GNB1L: variants seen among roughly 807,000 people sequenced by gnomAD.
GNB1L encodes the protein guanine nucleotide-binding protein subunit beta-like protein 1.
GNB1L carries 20 observed loss-of-function variants against 29.1 expected under a neutral mutation model. The ratio of observed to expected loss-of-function variants is 0.69; its 90% CI spans 0.48 to 1.00. GNB1L has a LOEUF of 1.00. Ranked by LOEUF, GNB1L falls within the 50% of genes least tolerant of loss-of-function variation. The probability of loss-of-function intolerance (pLI) is 0.00; values close to 1 mark genes in which losing one functional copy is unlikely to be tolerated. For synonymous variants in GNB1L, 193 were observed against 206.5 expected (o/e 0.93, Z 0.56); for missense variants, 421 against 464.9 (o/e 0.91, Z 0.87).
chr22:19,793,174 G>A (rs1937270834), intron 7 of GNB1L: 1 of 912,562 alleles, frequency 1.1e-6, no homozygotes, highest in East Asian at 2.7e-5. Flanking sequence ...TGAAAGGAAA[G>A]TGTATTCAAA....
chr22:19,831,950 T>C lies in GNB1L; in HGVS notation c.-20-10575A>G, dbSNP rs563512423. Among the ~76,000 whole-genome samples, 72 of 152,274 alleles carry C rather than the reference T, an allele frequency of 4.7e-4. 1 individual carries two copies. Among genetic ancestry groups the C allele is most frequent in the South Asian group, 2.9e-3 (14 of 4,828 alleles). ...ATGTAAATTAAAACTACAGAAAAGCTTCTTGTTCTGGCAGGATGAAGTAAG... is the reference window on the plus strand; with the variant it reads ...ATGTAAATTAAAACTACAGAAAAGCCTCTTGTTCTGGCAGGATGAAGTAAG... On this transcript the variant is annotated intron_variant, in intron 2 of 7. Transcript: ENST00000329517.
At chr22:19,851,160 G>T (rs1349873942) in intron 2 of GNB1L, 8 of 1,583,340 alleles carry the variant, frequency 5.1e-6, no homozygotes, top group Non-Finnish European at 5.2e-6. Flanking sequence ...TCCCACCTGG[G>T]CTGTGTTCAG....
At chr22:19,835,239 C>G (rs1158090551) in intron 2 of GNB1L, among the ~76,000 whole-genome samples, 2 of 152,198 alleles carry the variant, frequency 1.3e-5, no homozygotes, top group Non-Finnish European at 2.9e-5. Context: ...CTGACTAATA[C>G]TATCTACCTA....
intron 6 of GNB1L, among the ~76,000 whole-genome samples, chr22:19,802,943 C>T (rs919341029): frequency 6.6e-6 from 1 of 152,220 alleles, no homozygotes; most frequent in African/African-American, 2.4e-5. Context: ...GGGGACACAG[C>T]CGTCAGTCCC....
Position 19,831,487 on chromosome 22 carries a change from C to T in GNB1L, c.-20-10112G>A, listed in dbSNP as rs139651089. 9.6e-3 allele frequency among the ~76,000 whole-genome samples: 1,450 copies of T among 151,450 alleles called. 25 individuals carry two copies. The highest frequency in any genetic ancestry group is 0.034 in the African/African-American group (1,393 of 41,292). On this transcript the variant is annotated intron_variant, in intron 2 of 7. Coordinates refer to ENST00000329517, the MANE Select transcript of GNB1L (RefSeq NM_053004.3). ...CGGGAGGATCACAAGGTCAGGAGATCGAGATCACCCTGACTAACACGGTGA... is the reference window on the plus strand; with the variant it reads ...CGGGAGGATCACAAGGTCAGGAGATTGAGATCACCCTGACTAACACGGTGA...
chr22:19,831,186 C>G (rs56909092), intron 2 of GNB1L, among the ~76,000 whole-genome samples: 12,494 of 150,644 alleles, frequency 0.083, 1,686 homozygotes, highest in African/African-American at 0.29. Flanking sequence ...CATGGTAAAA[C>G]CCCATCTCTA....
chr22:19,793,074 C>T (rs1937269967), intron 7 of GNB1L: 1 of 1,587,014 alleles, frequency 6.3e-7, no homozygotes, highest in Non-Finnish European at 8.5e-7. Flanking sequence ...GGCTAAAGAA[C>T]TTGCCACTAA....
chr22:19,843,344 C>T (rs1045819035), intron 2 of GNB1L, among the ~76,000 whole-genome samples: 4 of 152,276 alleles, frequency 2.6e-5, no homozygotes, highest in African/African-American at 7.2e-5. Context: ...AGCGCCCAGG[C>T]GGGCAGGGAG....
chr22:19,853,494 G>A (rs1371627227), intron 2 of GNB1L, among the ~76,000 whole-genome samples: 6 of 152,102 alleles, frequency 3.9e-5, no homozygotes, highest in Non-Finnish European at 8.8e-5. Flanking sequence ...ACGACCTCCA[G>A]GAAACTCTCT....
At chr22:19,797,984 C>G (rs1319530267) in intron 7 of GNB1L, among the ~76,000 whole-genome samples, 1 of 152,234 alleles carries the variant, frequency 6.6e-6, no homozygotes, top group Admixed American at 6.5e-5. Context: ...TGTGCACACA[C>G]AAGCAGCTGA....
chr22:19,824,315 G>C (rs1569048611), intron 2 of GNB1L, among the ~76,000 whole-genome samples: 1 of 152,084 alleles, frequency 6.6e-6, no homozygotes, highest in Non-Finnish European at 1.5e-5. Context: ...TATCTTGCCT[G>C]GCCCCAGGCT....
chr22:19,806,600 C>T, intron 6 of GNB1L, 59 bp downstream of exon 6: 1 of 1,033,488 alleles, frequency 9.7e-7, no homozygotes, highest in South Asian at 1.4e-5. Flanking sequence ...CTGAATGGAG[C>T]ATGACTCATG....
intron 2 of GNB1L, among the ~76,000 whole-genome samples, chr22:19,828,644 T>TA (rs565527748): frequency 0.035 from 5,166 of 146,498 alleles, 265 homozygotes; most frequent in African/African-American, 0.12. Context: ...AGACCCTATC[T>TA]AAAAAAAAAA....
chr22:19,842,456 G>A (rs997030781), intron 2 of GNB1L, among the ~76,000 whole-genome samples: 1 of 152,222 alleles, frequency 6.6e-6, no homozygotes, highest in Admixed American at 6.5e-5. Flanking sequence ...CCAAGGCCTC[G>A]GGGGCCAGGA....
intron 2 of GNB1L, among the ~76,000 whole-genome samples, chr22:19,822,814 T>C (rs898311500): frequency 3.3e-5 from 5 of 152,148 alleles, no homozygotes; most frequent in African/African-American, 9.7e-5. Flanking sequence ...GTGCTGTGGA[T>C]GTCTGGAGGC....
chr22:19,825,615 G>A (rs541517566), intron 2 of GNB1L, among the ~76,000 whole-genome samples: 11 of 148,696 alleles, frequency 7.4e-5, no homozygotes, highest in Non-Finnish European at 1.6e-4. Context: ...GAGCAAGACC[G>A]CATCTCAAAT....
intron 7 of GNB1L, 143 bp from the exon 8 acceptor site, chr22:19,789,103 A>C (rs1601315840): frequency 1.2e-6 from 1 of 866,120 alleles, no homozygotes; most frequent in Non-Finnish European, 1.8e-6. Flanking sequence ...TACCCAGCTG[A>C]CCTCCCACTC....
chr22:19,845,273 G>A (rs1404073369), intron 2 of GNB1L, among the ~76,000 whole-genome samples: 2 of 152,242 alleles, frequency 1.3e-5, no homozygotes, highest in Admixed American at 6.5e-5. Context: ...ACAGACATGC[G>A]AATGAGGACA....
chr22:19,802,056 C>T lies in GNB1L; in HGVS notation c.677G>A (p.Gly226Asp). ...GACAGCCAGCGCCTTCCCCGCGGAG[C>T]CTGAGATGCCCCTGGCCTTCTGGGA... is the stretch of plus-strand genomic sequence containing the variant. ...FDSQKARGISGSAGKALAVWS... is the reference protein window; with the variant it reads ...FDSQKARGISDSAGKALAVWS... Residue 226 changes from glycine to aspartate, a missense_variant, in exon 7 of 8, where the codon GGC becomes GAC. Gly to Asp is a moderately conservative substitution (Grantham distance 94, BLOSUM62 -1). Coordinates refer to ENST00000329517, the MANE Select transcript of GNB1L (RefSeq NM_053004.3). 6.2e-7 allele frequency: 1 copy of T among 1,612,462 alleles called. No homozygotes were observed. Among genetic ancestry groups the T allele is most frequent in the Non-Finnish European group, 8.5e-7 (1 of 1,179,568 alleles).
Sources: gnomAD v4.1 joint callset for allele counts (sites outside exome capture counted in the v4.1 genomes callset) on GRCh38, gnomAD v4.1.1 for gene constraint, MANE v1.5 for transcripts, NCBI Gene and HGNC (gene_info 2026-07-23, HGNC 2026-07-21) for gene names.